Variants in FSHR observed in about 807,000 individuals in gnomAD.
The protein encoded by FSHR is follicle stimulating hormone receptor.
Under a neutral mutation model 52.1 loss-of-function variants are expected in FSHR, and 46 were observed. The ratio of observed to expected loss-of-function variants is 0.88; its 90% CI spans 0.70 to 1.13. The LOEUF (loss-of-function observed/expected upper bound fraction) is 1.13. Ranked by LOEUF, FSHR falls within the 50% of genes most tolerant of loss-of-function variation. The probability of loss-of-function intolerance (pLI) is 0.00; values close to 1 mark genes in which losing one functional copy is unlikely to be tolerated. For synonymous variants in FSHR, 399 were observed against 309.6 expected, an observed-to-expected ratio of 1.29 and a Z score of -3.03; for missense variants, 964 against 834.6, an observed-to-expected ratio of 1.16 and a Z score of -1.91.
At chr2:49,090,881 G>A (rs1219064757) in intron 1 of FSHR, among the ~76,000 whole-genome samples, 1 of 152,024 alleles carries the variant, frequency 6.6e-6, no homozygotes, top group Non-Finnish European at 1.5e-5. Context: ...TGCTGAGCAT[G>A]TTTTGTTGTG....
rs79317589 is a variant in FSHR at position 49,015,916 on chromosome 2, C to G, written c.374+1573G>C. On this transcript the variant is annotated intron_variant, in intron 4 of 9. Coordinates refer to ENST00000406846, the MANE Select transcript of FSHR (RefSeq NM_000145.4). ...GAGCACAAAGCCCTATACAACTGCA[C>G]TTGTGTGCCCATGAAGCCAGCCTAC... is the stretch of plus-strand genomic sequence containing the variant. 4.6e-3 allele frequency among the ~76,000 whole-genome samples: 696 copies of G among 152,312 alleles called. 4 individuals are homozygous for G. The highest frequency in any genetic ancestry group is 0.015 in the African/African-American group (633 of 41,562).
chr2:49,015,959 A>G (rs965168400), intron 4 of FSHR, among the ~76,000 whole-genome samples: 2 of 152,162 alleles, frequency 1.3e-5, no homozygotes, highest in Non-Finnish European at 2.9e-5. Flanking sequence ...AGTAACTTAG[A>G]AGCAGATGAC....
intron 4 of FSHR, among the ~76,000 whole-genome samples, chr2:48,990,924 C>A (rs558222958): frequency 1.7e-3 from 264 of 151,846 alleles, no homozygotes; most frequent in African/African-American, 6.1e-3. Flanking sequence ...TTAATGTGAC[C>A]CTAAAGCAAC....
chr2:49,150,629 G>C (rs1673028697), intron 1 of FSHR, among the ~76,000 whole-genome samples: 1 of 151,862 alleles, frequency 6.6e-6, no homozygotes, highest in Non-Finnish European at 1.5e-5. Flanking sequence ...GAACATCCTG[G>C]GTTTAAACTC....
At position 49,085,081 on chromosome 2, in the gene FSHR, A is replaced by T. The variant is rs1670323997; in HGVS notation, c.153-16791T>A. On this transcript the variant is annotated intron_variant, in intron 1 of 9. Transcript: ENST00000406846. ...AGACCAATATCTTTGATGAACATTG[A>T]TGCAAAAATCCTCAATAAAATACTG... is the stretch of plus-strand genomic sequence containing the variant. Among the ~76,000 whole-genome samples, 3 of 152,346 alleles carry T rather than the reference A, an allele frequency of 2.0e-5. No individual in the cohort carries two copies. In the South Asian group the frequency reaches 6.2e-4, roughly 32 times the overall value.
intron 1 of FSHR, among the ~76,000 whole-genome samples, chr2:49,077,042 T>C (rs1418079201): frequency 6.6e-6 from 1 of 152,146 alleles, no homozygotes; most frequent in East Asian, 1.9e-4. Context: ...GTCTGGAGGA[T>C]GGTGGCCGTC....
intron 2 of FSHR, among the ~76,000 whole-genome samples, chr2:49,039,463 G>A (rs1163979153): frequency 6.6e-6 from 1 of 152,136 alleles, no homozygotes; most frequent in African/African-American, 2.4e-5. Context: ...AGTATACAAA[G>A]GTCAACAGTG....
At chr2:49,018,767 A>C (rs1249504373) in intron 3 of FSHR, among the ~76,000 whole-genome samples, 1 of 152,182 alleles carries the variant, frequency 6.6e-6, no homozygotes, top group Admixed American at 6.5e-5. Flanking sequence ...AGTGGGTAGA[A>C]GGAAGTAAAA....
At chr2:49,111,799 C>A (rs1268515418) in intron 1 of FSHR, among the ~76,000 whole-genome samples, 1 of 152,132 alleles carries the variant, frequency 6.6e-6, no homozygotes, top group Non-Finnish European at 1.5e-5. Context: ...TTTATACTTT[C>A]CTACTGAGCT....
rs751734839 is a variant in FSHR, at chr2:49,004,654, G to C, written c.374+12835C>G. Among the ~76,000 whole-genome samples, 277 of 152,244 alleles carry C rather than the reference G, an allele frequency of 1.8e-3. 3 individuals are homozygous for C. The highest frequency in any genetic ancestry group is 6.2e-4 in the Non-Finnish European group (42 of 67,992). ...TTTTCAGTTTGCAGATGAAGAAACT[G>C]AGACCTGAAGAGATTAGTACATCAC... On this transcript the variant is annotated intron_variant, in intron 4 of 9. Coordinates refer to ENST00000406846, the MANE Select transcript of FSHR (RefSeq NM_000145.4).
At chr2:49,051,340 C>G (rs1294562244) in intron 2 of FSHR, among the ~76,000 whole-genome samples, 1 of 152,122 alleles carries the variant, frequency 6.6e-6, no homozygotes, top group East Asian at 1.9e-4. Context: ...CACAGCCTCA[C>G]CAGTAACCTA....
chr2:49,141,741 T>A (rs1672695129), intron 1 of FSHR, among the ~76,000 whole-genome samples: 1 of 152,074 alleles, frequency 6.6e-6, no homozygotes, highest in South Asian at 2.1e-4. Context: ...TAAAGATGAG[T>A]CCAGCATTTT....
At chr2:49,074,356 A>G (rs992465173) in intron 1 of FSHR, among the ~76,000 whole-genome samples, 2 of 152,118 alleles carry the variant, frequency 1.3e-5, no homozygotes, top group African/African-American at 4.8e-5. Flanking sequence ...AAAAAAGTTG[A>G]TTAAGAAAAT....
At chr2:49,021,831 TTCTCTCTCTCTCTCTCTC>T (rs1553334822) in intron 2 of FSHR, among the ~76,000 whole-genome samples, 1 of 46,536 alleles carries the variant, frequency 2.1e-5, no homozygotes, top group Admixed American at 2.5e-4. Context: ...GGGTATGTGT[TTCTCTCTCTCTCTCTCTC>T]TCTCTCTCTC....
chr2:49,002,362 T>A (rs886332366), intron 4 of FSHR, among the ~76,000 whole-genome samples: 2 of 152,054 alleles, frequency 1.3e-5, no homozygotes, highest in Non-Finnish European at 2.9e-5. Context: ...GAGGCAGCTA[T>A]TTTTTTCTCC....
At chr2:49,002,090 C>T (rs912093152) in intron 4 of FSHR, among the ~76,000 whole-genome samples, 8 of 152,028 alleles carry the variant, frequency 5.3e-5, no homozygotes, top group South Asian at 2.1e-4. Flanking sequence ...ATTTCTGAAC[C>T]TCAAGCTTCT....
chr2:48,968,259 C>T (rs138830947), intron 9 of FSHR, among the ~76,000 whole-genome samples: 7 of 152,224 alleles, frequency 4.6e-5, no homozygotes, highest in East Asian at 3.9e-4. Flanking sequence ...TTGGGATGTG[C>T]GGCAGATATG....
At chr2:49,091,287 C>T (rs768536810) in intron 1 of FSHR, among the ~76,000 whole-genome samples, 42 of 151,904 alleles carry the variant, frequency 2.8e-4, no homozygotes, top group Non-Finnish European at 5.1e-4. Flanking sequence ...TTTTTGTGTA[C>T]GGTATGAGGT....
chr2:49,023,376 G>T (rs1572647450), intron 2 of FSHR, among the ~76,000 whole-genome samples: 1 of 152,182 alleles, frequency 6.6e-6, no homozygotes, highest in African/African-American at 2.4e-5. Flanking sequence ...TCAAAGGGTA[G>T]ACTAAGGAAA....
Sources: gnomAD v4.1 joint callset for allele counts (sites outside exome capture counted in the v4.1 genomes callset) on GRCh38, gnomAD v4.1.1 for gene constraint, MANE v1.5 for transcripts, NCBI Gene and HGNC (gene_info 2026-07-23, HGNC 2026-07-21) for gene names.